BTF3L4: variants seen among roughly 807,000 people sequenced by gnomAD.
BTF3L4 encodes the protein basic transcription factor 3 like 4.
BTF3L4 carries 6 observed loss-of-function variants against 16.8 expected under a neutral mutation model. The ratio of observed to expected loss-of-function variants is 0.36; its 90% CI spans 0.20 to 0.71. The LOEUF is 0.71. BTF3L4 is among the 30% of genes least tolerant of loss of function. The pLI is 0.58. For synonymous variants in BTF3L4, 39 were observed against 59.8 expected (o/e 0.65, Z 1.60); for missense variants, 92 against 186.9 (o/e 0.49, Z 2.96).
intron 3 of BTF3L4, among the ~76,000 whole-genome samples, chr1:52,076,445 C>T (rs552354199): frequency 4.0e-5 from 6 of 151,716 alleles, no homozygotes; most frequent in Admixed American, 1.3e-4. Context: ...GTGGTGGTGG[C>T]GCGTGACTCT....
chr1:52,066,509 T>TTTAA (rs1686652304), intron 3 of BTF3L4, among the ~76,000 whole-genome samples: 1 of 146,234 alleles, frequency 6.8e-6, no homozygotes, highest in East Asian at 2.3e-4. Context: ...GCCAGTTCCA[T>TTTAA]CTGTGATGGT....
chr1:52,068,789 CCCATCAGTATTT>C (rs1369837778), intron 3 of BTF3L4, among the ~76,000 whole-genome samples: 1 of 152,048 alleles, frequency 6.6e-6, no homozygotes, highest in Non-Finnish European at 1.5e-5. Flanking sequence ...AAAAGAAATC[CCCATCAGTATTT>C]CCAAGGACAT....
At chr1:52,058,351 T>G (rs1443966409) in intron 1 of BTF3L4, among the ~76,000 whole-genome samples, 1 of 152,200 alleles carries the variant, frequency 6.6e-6, no homozygotes, top group African/African-American at 2.4e-5. Context: ...AAAGAAGAGA[T>G]AGATATATAG....
chr1:52,061,635 CTTTTT>C (rs67186641), intron 2 of BTF3L4, among the ~76,000 whole-genome samples: 2 of 65,014 alleles, frequency 3.1e-5, no homozygotes, highest in Admixed American at 1.9e-4. Flanking sequence ...TACAGCTATT[CTTTTT>C]TTTTTTTTTT....
At chr1:52,078,274 A>G (rs938632557) in intron 3 of BTF3L4, among the ~76,000 whole-genome samples, 1 of 138,912 alleles carries the variant, frequency 7.2e-6, no homozygotes, top group African/African-American at 2.6e-5. Context: ...TGTGTTGTCC[A>G]GGCATCTTGA....
chr1:52,062,410 C>G (rs779008690), intron 2 of BTF3L4, among the ~76,000 whole-genome samples: 3 of 151,896 alleles, frequency 2.0e-5, no homozygotes, highest in Non-Finnish European at 2.9e-5. Flanking sequence ...CCATGTTTGT[C>G]AGGCTGGTCT....
intron 3 of BTF3L4, among the ~76,000 whole-genome samples, chr1:52,071,612 A>G (rs1686788481): frequency 6.6e-6 from 1 of 152,152 alleles, no homozygotes; most frequent in Non-Finnish European, 1.5e-5. Context: ...AGCTATAGGG[A>G]GCTAGGGCTT....
intron 2 of BTF3L4, among the ~76,000 whole-genome samples, chr1:52,064,561 G>A (rs2124418669): frequency 6.6e-6 from 1 of 152,174 alleles, no homozygotes; most frequent in Middle Eastern, 3.4e-3. Context: ...ATCTTGTGTT[G>A]AAATGACAAA....
chr1:52,068,712 A>C (rs922206372), intron 3 of BTF3L4, among the ~76,000 whole-genome samples: 1 of 152,214 alleles, frequency 6.6e-6, no homozygotes, highest in Non-Finnish European at 1.5e-5. Flanking sequence ...GGAAGGTAAG[A>C]GGTTCACCTG....
In BTF3L4 at chr1:52,068,731, A is replaced by G. The variant is rs544448923; in HGVS notation, c.168+3793A>G. Among the ~76,000 whole-genome samples, 7 of 152,316 alleles carry G rather than the reference A, an allele frequency of 4.6e-5. No individual in the cohort carries two copies. The East Asian group carries it at 1.3e-3, about 29-fold the overall frequency. ...GGTAAGAGGTTCACCTGCCTTATAT[A>G]GGTACTGAGCACCTACCATGCAGAA... On this transcript the variant is annotated intron_variant, in intron 3 of 5. Transcript: ENST00000313334.
intron 3 of BTF3L4, among the ~76,000 whole-genome samples, chr1:52,079,080 T>C (rs1278527761): frequency 6.6e-6 from 1 of 152,208 alleles, no homozygotes; most frequent in Non-Finnish European, 1.5e-5. Flanking sequence ...CCTTATCCCT[T>C]CTTTTACCCA....
rs759343805 is a variant in BTF3L4 at position 52,086,136 on chromosome 1, C to G, written c.395C>G (p.Pro132Arg). The change falls in exon 5 of 6, where the codon CCA becomes CGA. Residue 132 changes from proline to arginine, a missense_variant. Transcript: ENST00000313334. ...GTCTTGGACAGTAAAGCACCAAAAC[C>G]AGAAGACATTGATGAGGAAGATGAT... ...RQVLDSKAPK[P>R]EDIDEEDDDV... 2 of 1,610,134 alleles carry G rather than the reference C, an allele frequency of 1.2e-6. No individual in the cohort carries two copies. Among genetic ancestry groups the G allele is most frequent in the Non-Finnish European group, 1.7e-6 (2 of 1,178,226 alleles).
rs981159477 is a variant in BTF3L4 at position 52,076,757 on chromosome 1, A to G, written c.169-6583A>G. On this transcript the variant is annotated intron_variant, in intron 3 of 5. Coordinates refer to ENST00000313334, the MANE Select transcript of BTF3L4 (RefSeq NM_152265.5). ...CTAGAATTGAATGTGAAGGATACTG[A>G]CTGATTTATAAGAGCGTGTGCAAAG... Among the ~76,000 whole-genome samples, 3 of 152,228 alleles carry G rather than the reference A, an allele frequency of 2.0e-5. No individual in the cohort carries two copies. In the East Asian group the frequency reaches 5.8e-4, roughly 29 times the overall value.
intron 2 of BTF3L4, 122 bp downstream of exon 2, chr1:52,060,023 CA>C: frequency 1.1e-6 from 1 of 906,158 alleles, no homozygotes; most frequent in Non-Finnish European, 1.6e-6. Flanking sequence ...AACCACATTC[CA>C]ATTTGAAAAT....
chr1:52,075,365 C>G (rs569025851), intron 3 of BTF3L4, among the ~76,000 whole-genome samples: 26 of 150,264 alleles, frequency 1.7e-4, no homozygotes, highest in African/African-American at 6.3e-4. Context: ...TACAAAAATA[C>G]AAAAATTAGC....
chr1:52,067,802 C>T (rs990132617), intron 3 of BTF3L4, among the ~76,000 whole-genome samples: 1 of 152,152 alleles, frequency 6.6e-6, no homozygotes, highest in African/African-American at 2.4e-5. Context: ...ACATTTTGAA[C>T]TCGATAATTC....
intron 3 of BTF3L4, among the ~76,000 whole-genome samples, chr1:52,073,461 GCA>G (rs1686844780): frequency 7.1e-6 from 1 of 140,850 alleles, no homozygotes; most frequent in Admixed American, 7.3e-5. Flanking sequence ...CTATATATAT[GCA>G]CTATATATAT....
intron 3 of BTF3L4, among the ~76,000 whole-genome samples, chr1:52,078,586 C>T (rs1686990105): frequency 6.6e-6 from 1 of 152,102 alleles, no homozygotes; most frequent in Non-Finnish European, 1.5e-5. Flanking sequence ...TAAGTTTTCA[C>T]AGAGAAAGAA....
chr1:52,057,220 A>G (rs974352763), intron 1 of BTF3L4, among the ~76,000 whole-genome samples: 2 of 152,236 alleles, frequency 1.3e-5, no homozygotes, highest in African/African-American at 4.8e-5. Flanking sequence ...CCTACATAAT[A>G]AAAAGTCAGG....
Sources: allele counts gnomAD v4.1 joint callset (sites outside exome capture counted in the v4.1 genomes callset), GRCh38; gene constraint gnomAD v4.1.1; transcripts MANE v1.5; gene names NCBI Gene and HGNC (gene_info 2026-07-23, HGNC 2026-07-21).